The following AKAP12 variants were observed in gnomAD, a reference collection of about 807,000 sequenced individuals.
AKAP12 encodes the protein A-kinase anchor protein 12.
Under a neutral mutation model 79.9 loss-of-function variants are expected in AKAP12, and 32 were observed. That is an observed-to-expected ratio of 0.40 (90% CI 0.30 to 0.54). The LOEUF is 0.54. AKAP12 is among the 20% of genes least tolerant of loss of function. The pLI is 0.48. For synonymous variants in AKAP12, 808 were observed against 857.0 expected (o/e 0.94, Z 1.00); for missense variants, 2,074 against 2,177.0 (o/e 0.95, Z 0.94).
In AKAP12 at chr6:151,338,298, G is replaced by T. The variant is rs1777866007; in HGVS notation, c.320-10413G>T. On this transcript the variant is annotated intron_variant, in intron 3 of 4. Transcript: ENST00000402676. The stretch of plus-strand genomic sequence containing the variant: ...TATCCACCCTAGGGTCAGAGATTTT[G>T]TGTTGTCGTGTCTTTTTAGCTTCTT... 2.0e-5 allele frequency among the ~76,000 whole-genome samples: 3 copies of T among 152,212 alleles called. No individual in the cohort carries two copies. In the South Asian group the frequency reaches 6.2e-4, roughly 32 times the overall value.
Position 151,349,636 on chromosome 6 carries a change from T to A in AKAP12, c.1245T>A (p.Val415=). The A allele has an allele frequency of 6.2e-7, 1 of 1,613,062 alleles. No individual in the cohort carries two copies. Among genetic ancestry groups the A allele is most frequent in the South Asian group, 1.1e-5 (1 of 90,968 alleles). The change falls in exon 4 of 5, where the codon GTT becomes GTA. Residue 415 remains valine, a synonymous_variant. Transcript: ENST00000402676. ...DEKIEVHQEE[V]VAEVHVSTVE... ...AAATAGAAGTCCACCAAGAAGAGGT[T>A]GTGGCCGAAGTCCACGTCAGCACCG...
chr6:151,324,761 C>T, intron 3 of AKAP12: 1 of 985,226 alleles, frequency 1.0e-6, no homozygotes, highest in East Asian at 1.1e-4. Flanking sequence ...AATTGGAGTA[C>T]AAAAAAAGTG....
At chr6:151,250,637 G>T (rs576890659) in intron 2 of AKAP12, among the ~76,000 whole-genome samples, 12 of 147,314 alleles carry the variant, frequency 8.1e-5, no homozygotes, top group African/African-American at 2.7e-4. Context: ...ACGGAGTCTC[G>T]CTCTGTTGCC....
intron 2 of AKAP12, among the ~76,000 whole-genome samples, chr6:151,304,566 G>C (rs984403538): frequency 1.4e-5 from 2 of 143,782 alleles, no homozygotes; most frequent in African/African-American, 5.1e-5. Flanking sequence ...GATTTTGTGG[G>C]TTTTTTCATT....
chr6:151,349,594 A>G lies in AKAP12; in HGVS notation c.1203A>G (p.Thr401=). 1 of 1,611,434 alleles carries G rather than the reference A, an allele frequency of 6.2e-7. No individual in the cohort carries two copies. Among genetic ancestry groups the G allele is most frequent in the Admixed American group, 1.7e-5 (1 of 59,126 alleles). ...PSEEKPAPLA[T]EVFDEKIEVH... is the part of the protein sequence containing the mutation. The stretch of plus-strand genomic sequence containing the variant: ...AAGAGAAACCTGCTCCGTTGGCGAC[A>G]GAAGTGTTTGATGAGAAAATAGAAG... Residue 401 remains threonine, a synonymous_variant, in exon 4 of 5, where the codon ACA becomes ACG. Coordinates refer to ENST00000402676, the MANE Select transcript of AKAP12 (RefSeq NM_005100.4).
chr6:151,270,325 T>C (rs951256285), intron 2 of AKAP12, among the ~76,000 whole-genome samples: 1 of 152,266 alleles, frequency 6.6e-6, no homozygotes, highest in African/African-American at 2.4e-5. Context: ...CCCAAAGTGC[T>C]GGGATTACAG....
rs549558966 is a variant in AKAP12 at position 151,320,992 on chromosome 6, C to CT, written c.319+15101dup. On this transcript the variant is annotated intron_variant, in intron 3 of 4. Transcript: ENST00000402676. ...GTGGGACATTTTCTTTTCTTTCTTT[C>CT]TTTTTTTTTTTTGAGAGGGAGTCTT... 5.7e-3 allele frequency among the ~76,000 whole-genome samples: 829 copies of CT among 145,792 alleles called. 8 individuals are homozygous for CT. The highest frequency in any genetic ancestry group is 0.017 in the African/African-American group (691 of 40,034).
At chr6:151,314,029 A>ATT (rs35333537) in intron 3 of AKAP12, among the ~76,000 whole-genome samples, 16 of 138,746 alleles carry the variant, frequency 1.2e-4, no homozygotes, top group African/African-American at 2.1e-4. Context: ...GGCTTTTCTA[A>ATT]TTTTTTTTTT....
At chr6:151,343,738 C>T (rs188342242) in intron 3 of AKAP12, among the ~76,000 whole-genome samples, 56 of 152,030 alleles carry the variant, frequency 3.7e-4, no homozygotes, top group Middle Eastern at 3.4e-3. Flanking sequence ...GAGCTGAGAT[C>T]GAGCCACTGC....
chr6:151,354,150 CAA>C (rs935049461), intron 4 of AKAP12, among the ~76,000 whole-genome samples: 5 of 116,808 alleles, frequency 4.3e-5, no homozygotes, highest in East Asian at 2.4e-4. Context: ...GACTCCGTCT[CAA>C]AAAAAAAAAA....
intron 3 of AKAP12, among the ~76,000 whole-genome samples, chr6:151,338,630 G>A (rs1777874500): frequency 1.3e-5 from 2 of 151,776 alleles, no homozygotes; most frequent in South Asian, 4.2e-4. Flanking sequence ...TAATTTTTGT[G>A]TTTAGAGACT....
intron 3 of AKAP12, among the ~76,000 whole-genome samples, chr6:151,307,713 C>T (rs954698184): frequency 1.3e-5 from 2 of 152,132 alleles, no homozygotes; most frequent in African/African-American, 2.4e-5. Flanking sequence ...ATTTCAGCCA[C>T]GTGGGTAAAC....
intron 3 of AKAP12, among the ~76,000 whole-genome samples, chr6:151,340,782 C>CCTT (rs10661486): frequency 0.44 from 66,438 of 151,886 alleles, 17,125 homozygotes; most frequent in African/African-American, 0.73. Context: ...TGATTTTCGT[C>CCTT]CTGTGACACT....
rs770110788 is a variant in AKAP12 at position 151,352,683 on chromosome 6, T to C, written c.4292T>C (p.Leu1431Ser). 5.0e-6 allele frequency: 8 copies of C among 1,614,030 alleles called. No individual in the cohort carries two copies. The highest frequency in any genetic ancestry group is 4.0e-5 in the African/African-American group (3 of 74,914). The change falls in exon 4 of 5, where the codon TTA (leucine) becomes TCA (serine). Residue 1431 changes from leucine to serine, a missense_variant. Physicochemically the swap from Leu to Ser is moderately radical, Grantham distance 145. Coordinates refer to ENST00000402676, the MANE Select transcript of AKAP12 (RefSeq NM_005100.4). The stretch of plus-strand genomic sequence containing the variant: ...GCGGCTGCAGAGGAGGAAAAGGTCT[T>C]AGGAGAAACTGCCAACATTTTAGAA... ...LTAAAEEEKV[L>S]GETANILETG...
intron 3 of AKAP12, chr6:151,325,110 C>CA (rs200743918): frequency 7.0e-5 from 69 of 985,298 alleles, no homozygotes; most frequent in Non-Finnish European, 8.0e-5. Flanking sequence ...GAGCCCTTCT[C>CA]AAAGAGTTTA....
chr6:151,249,110 C>T (rs567917665), intron 2 of AKAP12, among the ~76,000 whole-genome samples: 2 of 152,282 alleles, frequency 1.3e-5, no homozygotes, highest in African/African-American at 4.8e-5. Flanking sequence ...TTTCGGTGTT[C>T]CCCTTCCATC....
intron 3 of AKAP12, 33 bp from the exon 4 acceptor site, chr6:151,348,678 T>C: frequency 2.7e-6 from 1 of 374,898 alleles, no homozygotes; most frequent in Non-Finnish European, 5.3e-6. Context: ...CCTTTTCTCT[T>C]CTCCCCACCC....
intron 3 of AKAP12, among the ~76,000 whole-genome samples, chr6:151,308,533 C>A (rs941052137): frequency 6.6e-6 from 1 of 151,970 alleles, no homozygotes; most frequent in Non-Finnish European, 1.5e-5. Flanking sequence ...CCTTGTCCTT[C>A]CCAAGATCTT....
chr6:151,304,378 A>G (rs1436485879), intron 2 of AKAP12, among the ~76,000 whole-genome samples: 2 of 147,514 alleles, frequency 1.4e-5, no homozygotes, highest in Non-Finnish European at 3.0e-5. Context: ...AATCCCTGCT[A>G]TGTGGGAGGC....
Sources: gnomAD v4.1 joint callset for allele counts (sites outside exome capture counted in the v4.1 genomes callset) on GRCh38, gnomAD v4.1.1 for gene constraint, MANE v1.5 for transcripts, NCBI Gene and HGNC (gene_info 2026-07-23, HGNC 2026-07-21) for gene names.